Variants in PPARG observed in about 807,000 individuals in gnomAD.
The protein encoded by PPARG is peroxisome proliferator activated receptor gamma.
In PPARG, 17 loss-of-function variants were observed where a neutral mutation model predicts 39.2. That is an observed-to-expected ratio of 0.43 (90% confidence interval 0.30 to 0.65). The LOEUF is 0.65. PPARG is among the 30% of genes least tolerant of loss of function. The pLI is 0.13. For missense variants in PPARG, 406 were observed against 585.9 expected (o/e 0.69, Z 3.17); for synonymous variants, 223 against 215.7 (o/e 1.03, Z -0.30).
rs143370807 is a variant in PPARG at position 12,379,754 on chromosome 3, A to T, written c.43A>T (p.Ile15Phe). The T allele has an allele frequency of 5.1e-5, 83 of 1,614,036 alleles. No individual in the cohort carries two copies. The African/African-American group carries it at 1.0e-3, about 19-fold the overall frequency. ...EMPFWPTNFG[I>F]SSVDLSVMED... ...GCCATTCTGGCCCACCAACTTTGGG[A>T]TCAGCTCCGTGGATCTCTCCGTAAT... Residue 15 changes from isoleucine to phenylalanine, a missense_variant, in exon 3 of 8, where the codon ATC becomes TTC. Ile to Phe is a conservative substitution (Grantham distance 21). This residue lies in a region of PPARG where 131 missense variants were observed against 127.9 expected (regional missense o/e 1.02). Transcript: ENST00000651735.
At chr3:12,326,611 G>A (rs2047701582) in intron 2 of PPARG, among the ~76,000 whole-genome samples, 1 of 152,128 alleles carries the variant, frequency 6.6e-6, no homozygotes, top group Non-Finnish European at 1.5e-5. Flanking sequence ...CATTGCACTA[G>A]TAGTAGACTT....
chr3:12,397,382 TTATTATTATTA>T (rs1559523954), intron 5 of PPARG, among the ~76,000 whole-genome samples: 4 of 15,946 alleles, frequency 2.5e-4, no homozygotes, highest in African/African-American at 9.6e-4. Flanking sequence ...TTCCTTTTTA[TTATTATTATTA>T]TTATTATTAT....
chr3:12,420,271 A>G (rs1410656230), intron 7 of PPARG, among the ~76,000 whole-genome samples: 7 of 152,232 alleles, frequency 4.6e-5, no homozygotes, highest in Non-Finnish European at 1.0e-4. Context: ...TCAGGCATCT[A>G]TCGAGGATGA....
intron 2 of PPARG, among the ~76,000 whole-genome samples, chr3:12,313,552 T>A (rs939699469): frequency 3.3e-5 from 5 of 152,152 alleles, no homozygotes; most frequent in African/African-American, 1.2e-4. Context: ...TCCAAAAAAA[T>A]TCAAAATCCG....
At chr3:12,358,435 C>T (rs2048734733) in intron 2 of PPARG, among the ~76,000 whole-genome samples, 1 of 152,178 alleles carries the variant, frequency 6.6e-6, no homozygotes, top group Non-Finnish European at 1.5e-5. Context: ...GACATAATGT[C>T]TCCCCTTGGG....
At chr3:12,416,342 G>A (rs2051054489) in intron 6 of PPARG, among the ~76,000 whole-genome samples, 1 of 152,190 alleles carries the variant, frequency 6.6e-6, no homozygotes, top group Non-Finnish European at 1.5e-5. Flanking sequence ...TTGTGCCACT[G>A]TAATTCAGTC....
chr3:12,328,766 C>T (rs1482493652), intron 2 of PPARG, among the ~76,000 whole-genome samples: 1 of 152,228 alleles, frequency 6.6e-6, no homozygotes, highest in Non-Finnish European at 1.5e-5. Flanking sequence ...CTTTGACTAA[C>T]GCCTCAGCTT....
chr3:12,351,168 T>C (rs2048474720), intron 2 of PPARG, among the ~76,000 whole-genome samples: 1 of 152,188 alleles, frequency 6.6e-6, no homozygotes, highest in Non-Finnish European at 1.5e-5. Flanking sequence ...AGTTTTCCAT[T>C]TAAGAAGCAA....
chr3:12,360,325 T>A (rs1224567655), intron 2 of PPARG, among the ~76,000 whole-genome samples: 2 of 152,172 alleles, frequency 1.3e-5, no homozygotes, highest in Non-Finnish European at 2.9e-5. Context: ...TACTGTTTTA[T>A]GAGTTCTGAA....
At chr3:12,327,597 G>A (rs66593699) in intron 2 of PPARG, among the ~76,000 whole-genome samples, 13,189 of 152,122 alleles carry the variant, frequency 0.087, 726 homozygotes, top group Admixed American at 0.17. Flanking sequence ...GGCAGCTGGC[G>A]CAGATGCTTT....
intron 6 of PPARG, among the ~76,000 whole-genome samples, chr3:12,409,367 T>C (rs2050792554): frequency 6.7e-6 from 1 of 149,980 alleles, no homozygotes; most frequent in Non-Finnish European, 1.5e-5. Context: ...TCTTGCAAAA[T>C]CAAATTAAGC....
intron 2 of PPARG, among the ~76,000 whole-genome samples, chr3:12,375,952 T>C (rs569478829): frequency 3.9e-5 from 6 of 152,074 alleles, no homozygotes; most frequent in Non-Finnish European, 8.8e-5. Flanking sequence ...TCAAGGCTTT[T>C]TTTTTTTTTC....
chr3:12,407,363 A>G (rs377248119), intron 6 of PPARG, among the ~76,000 whole-genome samples: 6 of 152,082 alleles, frequency 3.9e-5, no homozygotes, highest in African/African-American at 1.4e-4. Flanking sequence ...GGTTTTCACC[A>G]TGTTGGCCAG....
intron 2 of PPARG, among the ~76,000 whole-genome samples, chr3:12,375,961 T>C (rs77450980): frequency 6.6e-6 from 1 of 151,942 alleles, no homozygotes; most frequent in Non-Finnish European, 1.5e-5. Context: ...TTTTTTTTTT[T>C]CTTTTGAGTT....
At chr3:12,404,300 G>T (rs2050579349) in intron 5 of PPARG, among the ~76,000 whole-genome samples, 2 of 152,238 alleles carry the variant, frequency 1.3e-5, no homozygotes, top group Middle Eastern at 3.4e-3. Flanking sequence ...CTCTAAGGAG[G>T]CCCCTACCAA....
At chr3:12,300,575 GC>G (rs1467297226) in intron 1 of PPARG, among the ~76,000 whole-genome samples, 1 of 150,018 alleles carries the variant, frequency 6.7e-6, no homozygotes, top group African/African-American at 2.4e-5. Context: ...CCTGGTCCCA[GC>G]TTTTTTTTTT....
chr3:12,390,975 A>G (rs1378765344), intron 4 of PPARG, among the ~76,000 whole-genome samples: 4 of 152,168 alleles, frequency 2.6e-5, no homozygotes, highest in Non-Finnish European at 5.9e-5. Context: ...GATCAAGGAA[A>G]TGACAAACCC....
At chr3:12,407,638 A>G (rs2050720784) in intron 6 of PPARG, among the ~76,000 whole-genome samples, 1 of 152,226 alleles carries the variant, frequency 6.6e-6, no homozygotes, top group South Asian at 2.1e-4. Context: ...CAATGACTTG[A>G]TAGATATGTG....
chr3:12,292,703 C>G (rs1482810311), intron 1 of PPARG, among the ~76,000 whole-genome samples: 1 of 152,162 alleles, frequency 6.6e-6, no homozygotes, highest in Non-Finnish European at 1.5e-5. Context: ...AAGTAAGGGA[C>G]TTGGACTGAA....
Sources: allele counts gnomAD v4.1 joint callset (sites outside exome capture counted in the v4.1 genomes callset), GRCh38; gene constraint gnomAD v4.1.1; regional missense constraint gnomAD v4.1.1; transcripts MANE v1.5; gene names NCBI Gene and HGNC (gene_info 2026-07-23, HGNC 2026-07-21).